OPRM1: variants seen among roughly 807,000 people sequenced by gnomAD.
OPRM1 encodes mu-type opioid receptor.
A neutral mutation model predicts 31.8 loss-of-function variants in OPRM1; 27 were observed. The ratio of observed to expected loss-of-function variants is 0.85; its 90% CI spans 0.63 to 1.17. OPRM1 has a LOEUF of 1.17. OPRM1 is among the 50% of genes most tolerant of loss of function. The probability of loss-of-function intolerance (pLI) is 0.00; values close to 1 mark genes in which losing one functional copy is unlikely to be tolerated. For synonymous variants in OPRM1, 196 were observed against 189.9 expected (o/e 1.03, Z -0.26); for missense variants, 536 against 511.1 (o/e 1.05, Z -0.47).
At chr6:154,036,755 C>T (rs138647169), upstream of OPRM1, among the ~76,000 whole-genome samples, 185 of 151,798 alleles carry the variant, frequency 1.2e-3, 1 homozygote, top group African/African-American at 4.2e-3. Context: ...TATTATTTAT[C>T]ACCCAGATTG....
intron 1 of OPRM1, among the ~76,000 whole-genome samples, chr6:154,031,357 G>A (rs1040989232): frequency 2.0e-5 from 3 of 151,692 alleles, no homozygotes; most frequent in African/African-American, 7.3e-5. Flanking sequence ...GCAACCAGTT[G>A]CTACAGAAAA....
intron 3 of OPRM1, among the ~76,000 whole-genome samples, chr6:154,182,808 A>C (rs1801004813): frequency 6.6e-6 from 1 of 152,138 alleles, no homozygotes; most frequent in South Asian, 2.1e-4. Flanking sequence ...TGGATCCATG[A>C]TGGGGACAAG....
intron 3 of OPRM1, among the ~76,000 whole-genome samples, chr6:154,181,727 C>T (rs1053374300): frequency 2.0e-5 from 3 of 152,098 alleles, no homozygotes; most frequent in Non-Finnish European, 2.9e-5. Context: ...TCCACAGGGC[C>T]GCAGGGCACG....
In OPRM1 at chr6:154,128,630, A is replaced by T. The variant is rs1477382142; in HGVS notation, c.*9909A>T. 6.6e-6 allele frequency among the ~76,000 whole-genome samples: 1 copy of T among 152,174 alleles called. No homozygotes were observed. Among genetic ancestry groups the T allele is most frequent in the Admixed American group, 6.5e-5 (1 of 15,270 alleles). The stretch of plus-strand genomic sequence containing the variant: ...GAGAGATCAATTTGGTTACTGTTTT[A>T]TCATTGATCCTGAAGACAGTTGAAG... On this transcript the variant is annotated 3_prime_UTR_variant, in exon 4 of 4. Coordinates refer to ENST00000330432, the MANE Select transcript of OPRM1 (RefSeq NM_000914.5).
chr6:154,033,928 T>TA (rs1321419122), intron 1 of OPRM1, among the ~76,000 whole-genome samples: 1 of 152,212 alleles, frequency 6.6e-6, no homozygotes, highest in Non-Finnish European at 1.5e-5. Flanking sequence ...CAACTGCTAA[T>TA]ACCTTAGCAG....
intron 3 of OPRM1, among the ~76,000 whole-genome samples, chr6:154,111,357 T>G (rs558867170): frequency 6.6e-6 from 1 of 152,284 alleles, no homozygotes; most frequent in African/African-American, 2.4e-5. Context: ...CTGATTGGCT[T>G]CAAAAGTACC....
chr6:154,170,695 C>A (rs1170572607), intron 3 of OPRM1, among the ~76,000 whole-genome samples: 1 of 152,176 alleles, frequency 6.6e-6, no homozygotes, highest in East Asian at 1.9e-4. Context: ...TGAAAAGATG[C>A]TCAGTATCAT....
chr6:154,149,956 A>C (rs1252650837), intron 3 of OPRM1, among the ~76,000 whole-genome samples: 1 of 152,168 alleles, frequency 6.6e-6, no homozygotes, highest in African/African-American at 2.4e-5. Context: ...ATAGCTTTTT[A>C]ATGATGCTAA....
intron 1 of OPRM1, chr6:154,083,803 GCT>G (rs1789744965): frequency 1.3e-5 from 2 of 152,318 alleles, no homozygotes; most frequent in African/African-American, 4.8e-5. Flanking sequence ...AATTAGCCGG[GCT>G]TGGTGGCGGA....
chr6:154,244,156 T>C lies in OPRM1; in HGVS notation c.1165-2537T>C, dbSNP rs555709615. 1.5e-4 allele frequency among the ~76,000 whole-genome samples: 23 copies of C among 152,334 alleles called. 3 individuals are homozygous for C. Among genetic ancestry groups the C allele is most frequent in the South Asian group, 6.2e-4 (3 of 4,830 alleles). On this transcript the variant is annotated intron_variant, in intron 3 of 3. Coordinates refer to the OPRM1 transcript ENST00000337049. ...GTGGCAGGAAGTAAATAAAGCTTCT[T>C]GGCTTGACAGGACATGCTTGGGTCT...
intron 3 of OPRM1, among the ~76,000 whole-genome samples, chr6:154,184,665 A>G (rs1396796454): frequency 6.6e-6 from 1 of 152,202 alleles, no homozygotes. Context: ...ACCAATTAAT[A>G]AAAGTACAAT....
At chr6:154,065,062 TGAA>T (rs1404042226) in intron 1 of OPRM1, among the ~76,000 whole-genome samples, 1 of 152,174 alleles carries the variant, frequency 6.6e-6, no homozygotes, top group African/African-American at 2.4e-5. Flanking sequence ...GCATTGAATC[TGAA>T]GATGACATTG....
intron 3 of OPRM1, among the ~76,000 whole-genome samples, chr6:154,109,198 A>G (rs1230145204): frequency 6.6e-6 from 1 of 152,274 alleles, no homozygotes; most frequent in East Asian, 1.9e-4. Flanking sequence ...CCTGGGAAAT[A>G]GAAGGCTTAG....
intron 3 of OPRM1, among the ~76,000 whole-genome samples, chr6:154,153,445 A>G (rs1798596911): frequency 6.6e-6 from 1 of 152,170 alleles, no homozygotes; most frequent in Admixed American, 6.5e-5. Context: ...GCACTTTGGG[A>G]GGCCGAGGCG....
At chr6:154,226,499 C>T (rs1453845078) in intron 3 of OPRM1, among the ~76,000 whole-genome samples, 1 of 152,126 alleles carries the variant, frequency 6.6e-6, no homozygotes, top group Non-Finnish European at 1.5e-5. Flanking sequence ...ATTCCCTTCT[C>T]GGTGCCCATG....
chr6:154,238,639 G>A (rs1034689743), intron 3 of OPRM1, among the ~76,000 whole-genome samples: 5 of 151,482 alleles, frequency 3.3e-5, no homozygotes, highest in Admixed American at 1.3e-4. Context: ...TTTTTATTTC[G>A]CTTACTTCTA....
chr6:154,211,376 T>A (rs574034288), intron 3 of OPRM1, among the ~76,000 whole-genome samples: 1 of 149,468 alleles, frequency 6.7e-6, no homozygotes, highest in African/African-American at 2.5e-5. Context: ...GCCACTGCAC[T>A]CCAGGCCGGG....
intron 3 of OPRM1, chr6:154,093,396 C>A: frequency 6.2e-7 from 1 of 1,614,124 alleles, no homozygotes; most frequent in East Asian, 2.2e-5. Flanking sequence ...GTCCTGCCTT[C>A]GTGGAAATAC....
At chr6:154,077,317 C>T (rs1177424645) in intron 1 of OPRM1, among the ~76,000 whole-genome samples, 2 of 151,926 alleles carry the variant, frequency 1.3e-5, no homozygotes, top group Non-Finnish European at 2.9e-5. Flanking sequence ...AGAGTTTCAC[C>T]ATGCTCGCCA....
Sources: allele counts gnomAD v4.1 joint callset (sites outside exome capture counted in the v4.1 genomes callset), GRCh38; gene constraint gnomAD v4.1.1; transcripts MANE v1.5; gene names NCBI Gene and HGNC (gene_info 2026-07-23, HGNC 2026-07-21).